LDLRAD4: variants seen among roughly 807,000 people sequenced by gnomAD.
The protein encoded by LDLRAD4 is low density lipoprotein receptor class A domain containing 4.
Under a neutral mutation model 17.0 loss-of-function variants are expected in LDLRAD4, and 5 were observed. The observed-to-expected ratio is 0.29, with a 90% confidence interval of 0.15 to 0.62. The LOEUF (loss-of-function observed/expected upper bound fraction) is 0.62. LDLRAD4 is among the 20% of genes least tolerant of loss of function. LDLRAD4 has a pLI of 0.84. For synonymous variants in LDLRAD4, 168 were observed against 171.8 expected, an observed-to-expected ratio of 0.98 and a Z score of 0.17; for missense variants, 340 against 424.7, an observed-to-expected ratio of 0.80 and a Z score of 1.75.
Position 13,503,115 on chromosome 18 carries a change from ATGT to A in LDLRAD4, c.181+64735_181+64737del, listed in dbSNP as rs147494376. On this transcript the variant is annotated intron_variant, in intron 3 of 5. Coordinates refer to ENST00000359446, the Ensembl canonical transcript of LDLRAD4. ...GTTTATCTATGGCCACCATCAACCG[ATGT>A]TGTGTGATAAAACGTTTAAAGTATG... Among the ~76,000 whole-genome samples the A allele has an allele frequency of 2.7e-3, 415 of 152,304 alleles. 4 individuals are homozygous for A. The highest frequency in any genetic ancestry group is 9.3e-3 in the African/African-American group (387 of 41,560).
At chr18:13,438,405 G>C in intron 3 of LDLRAD4, 21 bp downstream of exon 4, 1 of 1,610,244 alleles carries the variant, frequency 6.2e-7, no homozygotes. Context: ...CCTCCCACCT[G>C]GGTGGCACTG....
intron 3 of LDLRAD4, among the ~76,000 whole-genome samples, chr18:13,607,925 T>TAGTGCATTCTACTATA: frequency 6.6e-6 from 1 of 152,348 alleles, no homozygotes; most frequent in African/African-American, 2.4e-5. Context: ...TGTGTCTTTA[T>TAGTGCATTCTACTATA]AGTAGAATGA....
intron 3 of LDLRAD4, among the ~76,000 whole-genome samples, chr18:13,601,437 G>A (rs974997944): frequency 6.6e-6 from 1 of 152,038 alleles, no homozygotes; most frequent in African/African-American, 2.4e-5. Context: ...CCTCACAGCA[G>A]TCAAAACAGC....
intron 1 of LDLRAD4, among the ~76,000 whole-genome samples, chr18:13,334,529 C>T (rs926178324): frequency 7.9e-5 from 12 of 152,166 alleles, no homozygotes; most frequent in African/African-American, 2.7e-4. Flanking sequence ...CCACTGCACC[C>T]GGCCTCAATT....
chr18:13,271,916 T>TTTG (rs2044573495), intron 1 of LDLRAD4, among the ~76,000 whole-genome samples: 1 of 150,568 alleles, frequency 6.6e-6, no homozygotes, highest in African/African-American at 2.4e-5. Context: ...TTTTTTTTTT[T>TTTG]TAAGACGGAG....
chr18:13,225,107 A>G (rs2041709203), intron 1 of LDLRAD4, among the ~76,000 whole-genome samples: 1 of 152,190 alleles, frequency 6.6e-6, no homozygotes, highest in African/African-American at 2.4e-5. Flanking sequence ...AAGTGCTGGG[A>G]TTACAGGTGT....
intron 3 of LDLRAD4, among the ~76,000 whole-genome samples, chr18:13,534,404 G>A (rs1316380222): frequency 6.6e-6 from 1 of 152,160 alleles, no homozygotes; most frequent in East Asian, 1.9e-4. Context: ...AAACACGAAT[G>A]TTAATTTACA....
chr18:13,517,290 C>T (rs527408302), intron 3 of LDLRAD4, among the ~76,000 whole-genome samples: 5 of 152,360 alleles, frequency 3.3e-5, no homozygotes, highest in Admixed American at 1.3e-4. Flanking sequence ...GAAGAATGTT[C>T]CTGTCATCTT....
chr18:13,233,882 G>A (rs1265244084), intron 1 of LDLRAD4, among the ~76,000 whole-genome samples: 1 of 151,912 alleles, frequency 6.6e-6, no homozygotes, highest in Non-Finnish European at 1.5e-5. Flanking sequence ...TCCCCCAGCT[G>A]CTCCTCCCTG....
At chr18:13,375,168 A>G (rs1390750189) in intron 1 of LDLRAD4, among the ~76,000 whole-genome samples, 1 of 152,070 alleles carries the variant, frequency 6.6e-6, no homozygotes, top group Non-Finnish European at 1.5e-5. Context: ...GCCCAAGTTT[A>G]CCTCTAGGCC....
chr18:13,463,803 A>T (rs1452014788), intron 3 of LDLRAD4, among the ~76,000 whole-genome samples: 1 of 152,240 alleles, frequency 6.6e-6, no homozygotes, highest in Non-Finnish European at 1.5e-5. Flanking sequence ...AGAAACATGT[A>T]CTGCAGAATA....
In LDLRAD4 at chr18:13,517,956, G is replaced by A. The variant is rs147721357; in HGVS notation, c.181+79572G>A. Reference sequence around the variant, plus strand: ...GGTTTCGCTGTGTTAGGATGGTCTCGATCTCCTGACCTTGTGATCTGCCCG... The same window carrying A: ...GGTTTCGCTGTGTTAGGATGGTCTCAATCTCCTGACCTTGTGATCTGCCCG... On this transcript the variant is annotated intron_variant, in intron 3 of 5. Transcript: ENST00000359446. 2.2e-3 allele frequency among the ~76,000 whole-genome samples: 330 copies of A among 152,162 alleles called. 5 individuals are homozygous for A. The highest frequency in any genetic ancestry group is 7.4e-3 in the African/African-American group (308 of 41,516).
chr18:13,259,239 C>T (rs996279968), intron 1 of LDLRAD4, among the ~76,000 whole-genome samples: 1 of 152,096 alleles, frequency 6.6e-6, no homozygotes, highest in Non-Finnish European at 1.5e-5. Context: ...AGTGCAGTAG[C>T]GTGATCATAG....
intron 3 of LDLRAD4, among the ~76,000 whole-genome samples, chr18:13,574,970 C>CT (rs1384371272): frequency 2.0e-5 from 3 of 152,216 alleles, no homozygotes; most frequent in Non-Finnish European, 4.4e-5. Flanking sequence ...TGTCATCTAA[C>CT]TTTTTTTCCA....
chr18:13,583,251 T>A (rs2094888566), intron 3 of LDLRAD4, among the ~76,000 whole-genome samples: 1 of 152,228 alleles, frequency 6.6e-6, no homozygotes, highest in Non-Finnish European at 1.5e-5. Flanking sequence ...GTATTTCTTT[T>A]ATATTCTCTC....
At chr18:13,242,269 C>A (rs145715669) in intron 1 of LDLRAD4, among the ~76,000 whole-genome samples, 49 of 152,180 alleles carry the variant, frequency 3.2e-4, no homozygotes, top group South Asian at 4.1e-4. Context: ...AAGTTTTACC[C>A]GGTCACGTCA....
chr18:13,495,925 G>C (rs1330956639), intron 3 of LDLRAD4, among the ~76,000 whole-genome samples: 1 of 152,176 alleles, frequency 6.6e-6, no homozygotes. Context: ...CCGGGCCCTT[G>C]TGGAGTTTCT....
At chr18:13,516,974 C>T (rs1252446191) in intron 3 of LDLRAD4, among the ~76,000 whole-genome samples, 2 of 152,184 alleles carry the variant, frequency 1.3e-5, no homozygotes, top group African/African-American at 2.4e-5. Context: ...CTCAGCTTCT[C>T]GAATATCTGG....
rs536106721 is a variant in LDLRAD4 at position 13,628,087 on chromosome 18, G to A, written c.336+6816G>A. Among the ~76,000 whole-genome samples the A allele has an allele frequency of 2.8e-4, 42 of 152,352 alleles. 1 individual carries two copies. The highest frequency in any genetic ancestry group is 1.0e-3 in the African/African-American group (42 of 41,584). On this transcript the variant is annotated intron_variant, in intron 4 of 5. Coordinates refer to ENST00000359446, the Ensembl canonical transcript of LDLRAD4. ...CCCTCGGAGGGCACAGGGAGCAGGG[G>A]TTTCAGCGCCACACTGTTCATTCCC... is the stretch of plus-strand genomic sequence containing the variant.
Sources: allele counts gnomAD v4.1 joint callset (sites outside exome capture counted in the v4.1 genomes callset), GRCh38; gene constraint gnomAD v4.1.1; transcripts MANE v1.5; gene names NCBI Gene and HGNC (gene_info 2026-07-23, HGNC 2026-07-21).